The following CACNG3 variants were observed in gnomAD, a reference collection of about 807,000 sequenced individuals.
CACNG3 encodes calcium voltage-gated channel auxiliary subunit gamma 3, also known as voltage-dependent calcium channel gamma-3 subunit.
CACNG3 carries 3 observed loss-of-function variants against 28.5 expected under a neutral mutation model. That is an observed-to-expected ratio of 0.11 (90% CI 0.05 to 0.27). The LOEUF (loss-of-function observed/expected upper bound fraction) is 0.27. Ranked by LOEUF, CACNG3 falls within the 10% of genes least tolerant of loss-of-function variation. The pLI is 1.00. For missense variants in CACNG3, 236 were observed against 414.4 expected (o/e 0.57, Z 3.74); for synonymous variants, 174 against 162.2 (o/e 1.07, Z -0.55).
intron 1 of CACNG3, among the ~76,000 whole-genome samples, chr16:24,269,512 G>C (rs896335105): frequency 2.6e-5 from 4 of 152,106 alleles, no homozygotes; most frequent in African/African-American, 9.7e-5. Flanking sequence ...AGCAGTTTGG[G>C]AGGTCAAGGT....
intron 1 of CACNG3, among the ~76,000 whole-genome samples, chr16:24,342,049 C>T (rs902413603): frequency 3.3e-5 from 5 of 152,186 alleles, no homozygotes; most frequent in African/African-American, 9.7e-5. Context: ...AGGCGGATCA[C>T]CTGAGGTCAG....
chr16:24,299,601 A>G (rs369981552), intron 1 of CACNG3, among the ~76,000 whole-genome samples: 1 of 152,246 alleles, frequency 6.6e-6, no homozygotes, highest in East Asian at 1.9e-4. Flanking sequence ...ATCTGTGTAT[A>G]TATAGCAACC....
intron 1 of CACNG3, among the ~76,000 whole-genome samples, chr16:24,329,878 A>C (rs1899609201): frequency 6.6e-6 from 1 of 152,160 alleles, no homozygotes; most frequent in Admixed American, 6.6e-5. Context: ...TACTAAAAAA[A>C]TACAAAAATT....
At chr16:24,336,145 A>G (rs974633660) in intron 1 of CACNG3, among the ~76,000 whole-genome samples, 3 of 151,254 alleles carry the variant, frequency 2.0e-5, no homozygotes, top group African/African-American at 7.3e-5. Flanking sequence ...GAATCGCTTG[A>G]CCCTGGGAGG....
chr16:24,326,736 G>A (rs988333487), intron 1 of CACNG3, among the ~76,000 whole-genome samples: 9 of 152,142 alleles, frequency 5.9e-5, no homozygotes, highest in Admixed American at 2.6e-4. Context: ...TCTCTGCACA[G>A]GCTGAAGAGG....
rs139633093 is a variant in CACNG3 at position 24,344,483 on chromosome 16, T to C, written c.212-2251T>C. ...GTAGGTGCACACGTGTGTTACTTAT[T>C]ATGATTTCTTATCCAGTCAACTGGA... On this transcript the variant is annotated intron_variant, in intron 1 of 3. Coordinates refer to ENST00000005284, the MANE Select transcript of CACNG3 (RefSeq NM_006539.4). 2.5e-3 allele frequency among the ~76,000 whole-genome samples: 384 copies of C among 152,218 alleles called. 5 individuals carry two copies. Among genetic ancestry groups the C allele is most frequent in the African/African-American group, 8.6e-3 (359 of 41,516 alleles).
chr16:24,268,487 C>T (rs1898643582), intron 1 of CACNG3, among the ~76,000 whole-genome samples: 1 of 152,188 alleles, frequency 6.6e-6, no homozygotes, highest in African/African-American at 2.4e-5. Flanking sequence ...AGGCTCTGAA[C>T]CATTCAACCA....
chr16:24,259,145 C>T (rs897701575), intron 1 of CACNG3, among the ~76,000 whole-genome samples: 1 of 152,206 alleles, frequency 6.6e-6, no homozygotes, highest in Non-Finnish European at 1.5e-5. Context: ...TTGCAGTCCC[C>T]ATACAACTTG....
At chr16:24,272,630 AATTT>A (rs1429681419) in intron 1 of CACNG3, among the ~76,000 whole-genome samples, 3 of 152,168 alleles carry the variant, frequency 2.0e-5, no homozygotes, top group Admixed American at 6.5e-5. Flanking sequence ...ATTATCTCAC[AATTT>A]ATTAAGACAT....
chr16:24,337,295 G>A (rs1051645846), intron 1 of CACNG3, among the ~76,000 whole-genome samples: 4 of 152,122 alleles, frequency 2.6e-5, no homozygotes, highest in East Asian at 1.9e-4. Context: ...AGAAGCAGCC[G>A]ATTTCTCCCC....
chr16:24,306,984 T>C (rs893039430), intron 1 of CACNG3, among the ~76,000 whole-genome samples: 11 of 152,194 alleles, frequency 7.2e-5, no homozygotes, highest in Admixed American at 5.9e-4. Context: ...CTCCGGGTAC[T>C]GCTCTCAGCA....
At chr16:24,285,207 C>A (rs1424614061) in intron 1 of CACNG3, among the ~76,000 whole-genome samples, 1 of 152,156 alleles carries the variant, frequency 6.6e-6, no homozygotes. Context: ...ATGGCCCCTG[C>A]TCTCAGGGAC....
At chr16:24,284,245 A>G (rs994062565) in intron 1 of CACNG3, among the ~76,000 whole-genome samples, 1 of 152,186 alleles carries the variant, frequency 6.6e-6, no homozygotes, top group Non-Finnish European at 1.5e-5. Context: ...AAGGTTTTAA[A>G]TCTGAGTTGC....
At chr16:24,283,896 T>C (rs1468758091) in intron 1 of CACNG3, among the ~76,000 whole-genome samples, 1 of 152,188 alleles carries the variant, frequency 6.6e-6, no homozygotes, top group African/African-American at 2.4e-5. Flanking sequence ...AGAAGCATGG[T>C]ATTTGTTATT....
At chr16:24,304,348 C>T (rs955376993) in intron 1 of CACNG3, among the ~76,000 whole-genome samples, 17 of 152,190 alleles carry the variant, frequency 1.1e-4, no homozygotes, top group Middle Eastern at 6.8e-3. Flanking sequence ...TAGAACATTT[C>T]ATTTTTTTTA....
chr16:24,352,425 ATAAAG>A (rs1899961390), intron 2 of CACNG3, among the ~76,000 whole-genome samples: 1 of 152,098 alleles, frequency 6.6e-6, no homozygotes, highest in Non-Finnish European at 1.5e-5. Flanking sequence ...CTTTCAAAAT[ATAAAG>A]TACACACTGA....
At chr16:24,348,920 C>A (rs1899905424) in intron 2 of CACNG3, among the ~76,000 whole-genome samples, 1 of 152,228 alleles carries the variant, frequency 6.6e-6, no homozygotes, top group Admixed American at 6.5e-5. Context: ...CATAGCTTTT[C>A]TGACAAAGTA....
chr16:24,271,967 C>T (rs942167434), intron 1 of CACNG3, among the ~76,000 whole-genome samples: 2 of 152,062 alleles, frequency 1.3e-5, no homozygotes, highest in African/African-American at 4.8e-5. Flanking sequence ...TTCAAGTACT[C>T]GGGGCTGGAA....
At chr16:24,271,311 T>C (rs1898687748) in intron 1 of CACNG3, among the ~76,000 whole-genome samples, 1 of 152,216 alleles carries the variant, frequency 6.6e-6, no homozygotes, top group African/African-American at 2.4e-5. Flanking sequence ...TAGCACTGTC[T>C]TCCTTCTTTC....
Sources: allele counts gnomAD v4.1 joint callset (sites outside exome capture counted in the v4.1 genomes callset), GRCh38; gene constraint gnomAD v4.1.1; transcripts MANE v1.5; gene names NCBI Gene and HGNC (gene_info 2026-07-23, HGNC 2026-07-21).